GLIS3: variants seen among roughly 807,000 people sequenced by gnomAD.
The protein encoded by GLIS3 is GLIS family zinc finger 3, also known as zinc finger protein GLIS3.
A neutral mutation model predicts 78.6 loss-of-function variants in GLIS3; 53 were observed. The ratio of observed to expected loss-of-function variants is 0.67; its 90% confidence interval spans 0.54 to 0.85. GLIS3 has a LOEUF of 0.85. Among genes scored for constraint, GLIS3 ranks in the 40% least tolerant of loss-of-function variants. GLIS3 has a pLI of 0.00. For synonymous variants in GLIS3, 684 were observed against 509.9 expected, an observed-to-expected ratio of 1.34 and a Z score of -4.60; for missense variants, 1,703 against 1,231.1, an observed-to-expected ratio of 1.38 and a Z score of -5.74.
intron 2 of GLIS3, among the ~76,000 whole-genome samples, chr9:4,333,689 A>G (rs959172927): frequency 4.0e-4 from 60 of 151,880 alleles, no homozygotes; most frequent in African/African-American, 1.3e-3. Flanking sequence ...TTCCAATGGG[A>G]TTTTTGTGAA....
chr9:4,090,564 A>G (rs2130749158), intron 4 of GLIS3, among the ~76,000 whole-genome samples: 1 of 152,266 alleles, frequency 6.6e-6, no homozygotes, highest in African/African-American at 2.4e-5. Context: ...TAGCAGTTGG[A>G]CCACCTGGTC....
chr9:4,354,346 C>T, the GLIS3 span, among the ~76,000 whole-genome samples: 1 of 152,128 alleles, frequency 6.6e-6, no homozygotes, highest in African/African-American at 2.4e-5. Context: ...TCTCTTCATG[C>T]CATATGGATG....
the GLIS3 span, among the ~76,000 whole-genome samples, chr9:4,382,048 C>A: frequency 6.6e-6 from 1 of 152,310 alleles, no homozygotes; most frequent in East Asian, 1.9e-4. Flanking sequence ...CTGGTAGCCG[C>A]TCTCTACAGA....
chr9:3,939,871 A>G (rs926386228), intron 4 of GLIS3, among the ~76,000 whole-genome samples: 2 of 152,222 alleles, frequency 1.3e-5, no homozygotes, highest in Admixed American at 1.3e-4. Context: ...CAAGACCAGT[A>G]AAATCAGGCA....
At chr9:4,416,026 T>C in the GLIS3 span, among the ~76,000 whole-genome samples, 6 of 150,284 alleles carry the variant, frequency 4.0e-5, no homozygotes, top group Non-Finnish European at 8.9e-5. Context: ...TAGATGTATA[T>C]ATTTATATCT....
the GLIS3 span, among the ~76,000 whole-genome samples, chr9:4,466,526 T>C: frequency 1.3e-5 from 2 of 152,138 alleles, no homozygotes; most frequent in African/African-American, 2.4e-5. Context: ...ATAACATAGA[T>C]ATAAAATTTT....
the GLIS3 span, among the ~76,000 whole-genome samples, chr9:4,461,220 T>G: frequency 9.3e-4 from 142 of 152,318 alleles, no homozygotes; most frequent in African/African-American, 3.0e-3. Flanking sequence ...TGGGACTACA[T>G]TCTCATTTGT....
rs189228611 is a variant in GLIS3 at position 4,057,509 on chromosome 9, T to C, written c.1710+60259A>G. 1.8e-3 allele frequency among the ~76,000 whole-genome samples: 278 copies of C among 152,212 alleles called. 6 individuals are homozygous for C. Among genetic ancestry groups the C allele is most frequent in the Admixed American group, 0.015 (236 of 15,274 alleles). ...AAAATTAAAAGCAGTACTTTTTTCA[T>C]TTCCTGGAAAAAGCTTGAGTTCAGC... On this transcript the variant is annotated intron_variant, in intron 4 of 10. Transcript: ENST00000381971.
the GLIS3 span, among the ~76,000 whole-genome samples, chr9:4,388,520 A>T: frequency 6.6e-6 from 1 of 151,852 alleles, no homozygotes; most frequent in African/African-American, 2.4e-5. Context: ...TACTAAAAAT[A>T]CAAAAATTAG....
intron 2 of GLIS3, among the ~76,000 whole-genome samples, chr9:4,223,905 C>T (rs1404738854): frequency 6.6e-6 from 1 of 151,988 alleles, no homozygotes; most frequent in Non-Finnish European, 1.5e-5. Flanking sequence ...TCCAATTTCA[C>T]TGTTGTTCCT....
At chr9:4,043,889 G>T (rs1825033903) in intron 4 of GLIS3, among the ~76,000 whole-genome samples, 1 of 152,188 alleles carries the variant, frequency 6.6e-6, no homozygotes, top group South Asian at 2.1e-4. Context: ...GTCTTGGGTT[G>T]GGGGCTCCCA....
chr9:4,461,041 T>G, the GLIS3 span, among the ~76,000 whole-genome samples: 4 of 152,176 alleles, frequency 2.6e-5, no homozygotes, highest in Non-Finnish European at 5.9e-5. Context: ...TTTCTGGGAG[T>G]TGGAGATGTT....
chr9:4,069,579 T>C (rs1827412335), intron 4 of GLIS3, among the ~76,000 whole-genome samples: 2 of 152,184 alleles, frequency 1.3e-5, no homozygotes, highest in African/African-American at 4.8e-5. Flanking sequence ...AATACTAGCT[T>C]GTTGTTTTTT....
At chr9:3,828,781 G>C (rs193059102) in intron 10 of GLIS3, among the ~76,000 whole-genome samples, 2 of 152,196 alleles carry the variant, frequency 1.3e-5, no homozygotes, top group Non-Finnish European at 2.9e-5. Context: ...AAAGAGCAAA[G>C]ACAGAGAGGG....
At chr9:4,098,250 TA>T (rs1349220109) in intron 4 of GLIS3, among the ~76,000 whole-genome samples, 1 of 152,090 alleles carries the variant, frequency 6.6e-6, no homozygotes, top group African/African-American at 2.4e-5. Context: ...TGACTGCCTT[TA>T]AAAAAAATCT....
At chr9:4,269,776 A>G (rs1409003341) in intron 2 of GLIS3, among the ~76,000 whole-genome samples, 2 of 152,214 alleles carry the variant, frequency 1.3e-5, no homozygotes, top group African/African-American at 4.8e-5. Flanking sequence ...TGAGAATAAT[A>G]AAGAGGGTAA....
At chr9:3,939,521 G>A (rs1248654214) in intron 4 of GLIS3, among the ~76,000 whole-genome samples, 6 of 152,152 alleles carry the variant, frequency 3.9e-5, no homozygotes, top group African/African-American at 1.4e-4. Context: ...GCAAATCAGT[G>A]CAAAATGAAC....
intron 2 of GLIS3, among the ~76,000 whole-genome samples, chr9:4,231,758 AT>A (rs1230585332): frequency 6.6e-6 from 1 of 152,206 alleles, no homozygotes; most frequent in Admixed American, 6.5e-5. Flanking sequence ...AAAATAAGAC[AT>A]TTTCAGGCAT....
At chr9:4,089,635 G>A (rs1033496168) in intron 4 of GLIS3, among the ~76,000 whole-genome samples, 3 of 152,046 alleles carry the variant, frequency 2.0e-5, no homozygotes, top group African/African-American at 4.8e-5. Flanking sequence ...AAACCAGCCT[G>A]GGCAAACCCC....
Sources: allele counts gnomAD v4.1 joint callset (sites outside exome capture counted in the v4.1 genomes callset), GRCh38; gene constraint gnomAD v4.1.1; transcripts MANE v1.5; gene names NCBI Gene and HGNC (gene_info 2026-07-23, HGNC 2026-07-21).